The following TMEM132C variants were observed in gnomAD, a reference collection of about 807,000 sequenced individuals.
TMEM132C encodes the protein transmembrane protein 132C.
Under a neutral mutation model 61.4 loss-of-function variants are expected in TMEM132C, and 29 were observed. That is an observed-to-expected ratio of 0.47 (90% confidence interval 0.35 to 0.64). TMEM132C has a LOEUF of 0.64. Among genes scored for constraint, TMEM132C ranks in the 30% least tolerant of loss-of-function variants. The pLI is 0.00. For missense variants in TMEM132C, 1,408 were observed against 1,476.9 expected (o/e 0.95, Z 0.76); for synonymous variants, 656 against 633.1 (o/e 1.04, Z -0.54).
intron 4 of TMEM132C, 26 bp from the exon 5 acceptor site, chr12:128,669,391 C>T (rs1343945023): frequency 1.3e-6 from 2 of 1,550,742 alleles, no homozygotes; most frequent in Non-Finnish European, 1.7e-6. Context: ...CTCCCTTGAC[C>T]CAGTGTGTTT....
chr12:128,325,987 G>A (rs554545093), intron 1 of TMEM132C, among the ~76,000 whole-genome samples: 7 of 152,194 alleles, frequency 4.6e-5, no homozygotes, highest in East Asian at 1.9e-4. Context: ...GCACACGTGC[G>A]GAGGTTGTAC....
At chr12:128,470,774 A>T (rs1870924077) in intron 2 of TMEM132C, among the ~76,000 whole-genome samples, 1 of 152,192 alleles carries the variant, frequency 6.6e-6, no homozygotes, top group Admixed American at 6.5e-5. Flanking sequence ...AATAGTAAAT[A>T]TTTCCATCTT....
intron 5 of TMEM132C, among the ~76,000 whole-genome samples, chr12:128,687,847 G>A (rs958621659): frequency 6.6e-6 from 1 of 152,162 alleles, no homozygotes; most frequent in Non-Finnish European, 1.5e-5. Context: ...ACAGTCTGAG[G>A]TTCCAGGAAG....
intron 2 of TMEM132C, among the ~76,000 whole-genome samples, chr12:128,515,616 G>A (rs1048491763): frequency 3.3e-5 from 5 of 152,132 alleles, no homozygotes; most frequent in African/African-American, 7.2e-5. Flanking sequence ...GGTGGATCAC[G>A]AGGTCAGGAT....
At chr12:128,322,265 G>C (rs1318490915) in intron 1 of TMEM132C, among the ~76,000 whole-genome samples, 1 of 152,190 alleles carries the variant, frequency 6.6e-6, no homozygotes, top group Non-Finnish European at 1.5e-5. Context: ...TGACAGTCCA[G>C]CTGAAAGACA....
chr12:128,317,667 T>A (rs974925497), intron 1 of TMEM132C, among the ~76,000 whole-genome samples: 1 of 152,196 alleles, frequency 6.6e-6, no homozygotes, highest in African/African-American at 2.4e-5. Context: ...GGCGGATCTC[T>A]TGAGGTCAGC....
At chr12:128,680,890 GAGA>G (rs1268016945) in intron 5 of TMEM132C, among the ~76,000 whole-genome samples, 3 of 152,222 alleles carry the variant, frequency 2.0e-5, no homozygotes, top group Non-Finnish European at 4.4e-5. Flanking sequence ...TAAATGGAAA[GAGA>G]AGTTTTTAAG....
intron 1 of TMEM132C, among the ~76,000 whole-genome samples, 171 bp from the exon 2 acceptor site, chr12:128,414,561 A>G (rs940185791): frequency 6.6e-6 from 1 of 152,194 alleles, no homozygotes; most frequent in Non-Finnish European, 1.5e-5. Context: ...TTCGTGGACC[A>G]TGTAGAATCG....
chr12:128,525,330 C>CTG (rs1873046718), intron 2 of TMEM132C, among the ~76,000 whole-genome samples: 2 of 148,078 alleles, frequency 1.4e-5, no homozygotes, highest in Non-Finnish European at 3.0e-5. Flanking sequence ...CTCTCTCTCT[C>CTG]TCTCTCTCTC....
intron 2 of TMEM132C, among the ~76,000 whole-genome samples, chr12:128,516,146 G>A (rs1386187357): frequency 2.0e-5 from 3 of 152,020 alleles, no homozygotes; most frequent in African/African-American, 4.8e-5. Context: ...CTTTTCACTG[G>A]ATTTAAAAAA....
chr12:128,297,098 A>T (rs1871437883), intron 1 of TMEM132C, among the ~76,000 whole-genome samples: 1 of 151,966 alleles, frequency 6.6e-6, no homozygotes, highest in South Asian at 2.1e-4. Context: ...TCCCCTTTTT[A>T]AACTTTCATG....
intron 2 of TMEM132C, among the ~76,000 whole-genome samples, chr12:128,488,532 A>C (rs1871582810): frequency 6.6e-6 from 1 of 151,938 alleles, no homozygotes; most frequent in Non-Finnish European, 1.5e-5. Context: ...ATGGTGGTGC[A>C]TGTCTGTAAT....
intron 1 of TMEM132C, among the ~76,000 whole-genome samples, chr12:128,290,611 G>T (rs1391718939): frequency 1.3e-5 from 2 of 152,102 alleles, no homozygotes; most frequent in African/African-American, 4.8e-5. Flanking sequence ...CCCTGGCCAG[G>T]TGCTGAATTA....
At chr12:128,610,539 A>G (rs1876597370) in intron 3 of TMEM132C, among the ~76,000 whole-genome samples, 1 of 152,232 alleles carries the variant, frequency 6.6e-6, no homozygotes, top group African/African-American at 2.4e-5. Flanking sequence ...CAAGAAATCT[A>G]CACTATTGAT....
intron 4 of TMEM132C, among the ~76,000 whole-genome samples, chr12:128,632,177 C>T (rs925046515): frequency 1.8e-4 from 27 of 152,200 alleles, no homozygotes. Flanking sequence ...AGACCCTCAT[C>T]CCTTGGCCTA....
chr12:128,428,040 G>T (rs1869256534), intron 2 of TMEM132C, among the ~76,000 whole-genome samples: 1 of 152,188 alleles, frequency 6.6e-6, no homozygotes, highest in African/African-American at 2.4e-5. Flanking sequence ...GGGGGCTGCT[G>T]CTTGGGCTAT....
chr12:128,548,028 C>A lies in TMEM132C; in HGVS notation c.1121+3925C>A, dbSNP rs185158445. ...CCCTATTGATCCCCATACATAGAAG[C>A]CTTCTACATCAGGAGATGATGGTAG... On this transcript the variant is annotated intron_variant, in intron 3 of 8. Transcript: ENST00000435159. 2.0e-5 allele frequency among the ~76,000 whole-genome samples: 3 copies of A among 152,314 alleles called. No homozygotes were observed. The East Asian group carries it at 5.8e-4, about 29-fold the overall frequency.
intron 2 of TMEM132C, among the ~76,000 whole-genome samples, chr12:128,502,013 A>G (rs1337994491): frequency 6.6e-6 from 1 of 152,238 alleles, no homozygotes; most frequent in Non-Finnish European, 1.5e-5. Flanking sequence ...GTGCAAGGTG[A>G]TGATGGCTAC....
chr12:128,435,383 T>A (rs1228325438), intron 2 of TMEM132C, among the ~76,000 whole-genome samples: 1 of 152,198 alleles, frequency 6.6e-6, no homozygotes. Context: ...GATGACATGA[T>A]TGGATATTTA....
Sources: gnomAD v4.1 joint callset for allele counts (sites outside exome capture counted in the v4.1 genomes callset) on GRCh38, gnomAD v4.1.1 for gene constraint, MANE v1.5 for transcripts, NCBI Gene and HGNC (gene_info 2026-07-23, HGNC 2026-07-21) for gene names.